The following NEK1 variants were observed in gnomAD, a reference collection of about 807,000 sequenced individuals.
NEK1 encodes serine/threonine-protein kinase Nek1.
A neutral mutation model predicts 182.1 loss-of-function variants in NEK1; 137 were observed. The ratio of observed to expected loss-of-function variants is 0.75; its 90% confidence interval spans 0.65 to 0.87. The LOEUF is 0.87. Ranked by LOEUF, NEK1 falls within the 40% of genes least tolerant of loss-of-function variation. The pLI is 0.00. For missense variants in NEK1, 1,391 were observed against 1,494.4 expected (o/e 0.93, Z 1.14); for synonymous variants, 513 against 492.2 (o/e 1.04, Z -0.56).
Position 169,424,554 on chromosome 4 carries a change from T to G in NEK1, c.3221A>C (p.Lys1074Thr), listed in dbSNP as rs1736037589. The G allele has an allele frequency of 6.3e-7, 1 of 1,588,342 alleles. No individual in the cohort carries two copies. The highest frequency in any genetic ancestry group is 1.1e-5 in the South Asian group (1 of 87,906). Residue 1074 changes from lysine (K) to threonine (T), a missense_variant and splice_region_variant, in exon 31 of 36, where the codon AAG becomes ACG. By Grantham distance (78) the Lys-to-Thr change is moderately conservative. Around this residue, in one of 5 missense-constraint regions of NEK1, gnomAD observed 1,216 missense variants for 1,277.6 expected, o/e 0.95. Transcript: ENST00000507142. ...TTTCCACTTGAGGACCATACTTGCC[T>G]TTGGGTTGTTTGCATCAAACAGACC... is the stretch of plus-strand genomic sequence containing the variant. ...STGLFDANNP[K>T]MLRTCSLPDL...
intron 35 of NEK1, among the ~76,000 whole-genome samples, chr4:169,397,749 T>C (rs550775900): frequency 2.5e-4 from 38 of 152,280 alleles, no homozygotes; most frequent in Non-Finnish European, 4.7e-4. Context: ...TAGGCTTATA[T>C]CCTTTTGAAG....
intron 5 of NEK1, among the ~76,000 whole-genome samples, chr4:169,593,651 T>G (rs1768920328): frequency 6.6e-6 from 1 of 152,198 alleles, no homozygotes; most frequent in South Asian, 2.1e-4. Flanking sequence ...ACATTAGGGT[T>G]TGACCACATG....
chr4:169,562,343 AT>A, intron 12 of NEK1, 147 bp from the exon 13 acceptor site: 2 of 551,608 alleles, frequency 3.6e-6, no homozygotes, highest in Non-Finnish European at 6.2e-6. Context: ...AAAAAAAAAA[AT>A]CGTAGTCTTT....
chr4:169,561,959 T>C (rs1762979902), intron 13 of NEK1, 68 bp from the exon 14 acceptor site: 3 of 1,365,088 alleles, frequency 2.2e-6, no homozygotes, highest in Non-Finnish European at 2.0e-6. Context: ...TCAGGAAAGT[T>C]AGTACACCAA....
chr4:169,423,934 A>G (rs1735919466), intron 31 of NEK1, among the ~76,000 whole-genome samples: 1 of 152,218 alleles, frequency 6.6e-6, no homozygotes, highest in African/African-American at 2.4e-5. Flanking sequence ...CGTAATATAT[A>G]TTGAATAGAA....
chr4:169,425,113 T>C (rs556927154), intron 30 of NEK1, among the ~76,000 whole-genome samples: 151 of 148,882 alleles, frequency 1.0e-3, no homozygotes, highest in African/African-American at 3.8e-3. Context: ...AGTGGGAGGA[T>C]TGCTTGAGGC....
chr4:169,532,606 C>T (rs932260093), intron 19 of NEK1, among the ~76,000 whole-genome samples: 13 of 152,014 alleles, frequency 8.6e-5, no homozygotes, highest in African/African-American at 2.9e-4. Flanking sequence ...CTTTTCCACT[C>T]AATTTTGCCA....
intron 23 of NEK1, among the ~76,000 whole-genome samples, chr4:169,480,510 TAAA>T (rs58933123): frequency 3.0e-4 from 30 of 100,266 alleles, no homozygotes; most frequent in Admixed American, 9.0e-4. Context: ...ACCTCATTCC[TAAA>T]AAAAAAAAAA....
At chr4:169,541,969 T>C (rs1198351874) in intron 18 of NEK1, among the ~76,000 whole-genome samples, 1 of 152,118 alleles carries the variant, frequency 6.6e-6, no homozygotes, top group Non-Finnish European at 1.5e-5. Flanking sequence ...GTCAGTCAAT[T>C]CTTCCAAGTT....
At chr4:169,502,942 T>C (rs545002186) in intron 23 of NEK1, among the ~76,000 whole-genome samples, 1 of 152,238 alleles carries the variant, frequency 6.6e-6, no homozygotes, top group Admixed American at 6.5e-5. Context: ...AGTCAAATTA[T>C]CTCTTTGTGG....
intron 18 of NEK1, among the ~76,000 whole-genome samples, chr4:169,544,814 G>C (rs1245640057): frequency 6.6e-6 from 1 of 150,816 alleles, no homozygotes; most frequent in Non-Finnish European, 1.5e-5. Context: ...TATTTCTGTG[G>C]GATCAATGGC....
intron 19 of NEK1, among the ~76,000 whole-genome samples, chr4:169,521,746 T>C (rs191162354): frequency 6.6e-6 from 1 of 152,326 alleles, no homozygotes; most frequent in Admixed American, 6.5e-5. Flanking sequence ...ACCTGAAAAA[T>C]GTTGTACCAC....
intron 12 of NEK1, among the ~76,000 whole-genome samples, chr4:169,566,602 T>A (rs1763721466): frequency 1.3e-5 from 2 of 152,166 alleles, no homozygotes; most frequent in African/African-American, 2.4e-5. Context: ...AATACATGAA[T>A]ATTTTGTGGA....
intron 19 of NEK1, among the ~76,000 whole-genome samples, chr4:169,523,659 G>A (rs751385987): frequency 2.0e-5 from 3 of 152,174 alleles, no homozygotes; most frequent in Non-Finnish European, 4.4e-5. Flanking sequence ...GTAGTCTTTT[G>A]TTACAGCAGC....
intron 32 of NEK1, among the ~76,000 whole-genome samples, chr4:169,404,083 A>AT (rs990448729): frequency 3.3e-5 from 5 of 151,764 alleles, no homozygotes; most frequent in Middle Eastern, 3.4e-3. Flanking sequence ...GGAAGAAAGA[A>AT]AAAATAAAAG....
intron 5 of NEK1, among the ~76,000 whole-genome samples, chr4:169,597,641 T>A (rs1769748379): frequency 6.6e-6 from 1 of 151,290 alleles, no homozygotes; most frequent in African/African-American, 2.4e-5. Flanking sequence ...ATCTTAAAAA[T>A]AATAATATCC....
intron 29 of NEK1, 21 bp downstream of exon 29, chr4:169,433,524 G>T: frequency 6.3e-7 from 1 of 1,588,222 alleles, no homozygotes. Context: ...GTTTTAAAAT[G>T]TCAGGAAAAG....
intron 26 of NEK1, among the ~76,000 whole-genome samples, chr4:169,465,177 A>G (rs1194646266): frequency 6.6e-6 from 1 of 152,162 alleles, no homozygotes; most frequent in Non-Finnish European, 1.5e-5. Flanking sequence ...GGATGGTTAA[A>G]ATAGAGTAGA....
chr4:169,402,630 T>C (rs1177847647), intron 32 of NEK1, among the ~76,000 whole-genome samples: 2 of 152,310 alleles, frequency 1.3e-5, no homozygotes, highest in African/African-American at 2.4e-5. Context: ...TACATTTATA[T>C]AGAACTTTTG....
Sources: allele counts gnomAD v4.1 joint callset (sites outside exome capture counted in the v4.1 genomes callset), GRCh38; gene constraint gnomAD v4.1.1; regional missense constraint gnomAD v4.1.1; transcripts MANE v1.5; gene names NCBI Gene and HGNC (gene_info 2026-07-23, HGNC 2026-07-21).